Variants in UBA3 observed in about 807,000 individuals in gnomAD.
UBA3 encodes NEDD8-activating enzyme E1 catalytic subunit.
In UBA3, 26 loss-of-function variants were observed where a neutral mutation model predicts 73.5. The observed-to-expected ratio is 0.35, with a 90% confidence interval of 0.26 to 0.49. UBA3 has a LOEUF of 0.49. Among genes scored for constraint, UBA3 ranks in the 20% least tolerant of loss-of-function variants. The pLI is 0.98. For synonymous variants in UBA3, 217 were observed against 191.2 expected (o/e 1.13, Z -1.11); for missense variants, 495 against 555.6 (o/e 0.89, Z 1.10).
intron 3 of UBA3, among the ~76,000 whole-genome samples, chr3:69,076,945 G>A (rs1039216418): frequency 6.6e-6 from 1 of 150,422 alleles, no homozygotes; most frequent in Non-Finnish European, 1.5e-5. Flanking sequence ...GAGATAACAC[G>A]AAAACATATA....
In UBA3 at chr3:69,055,450, T is replaced by C; in HGVS notation, c.1379A>G (p.His460Arg). The C allele has an allele frequency of 1.3e-6, 2 of 1,521,904 alleles. No homozygotes were observed. Among genetic ancestry groups the C allele is most frequent in the Non-Finnish European group, 1.7e-6 (2 of 1,146,024 alleles). 94.3% of individuals were successfully genotyped at this position (1,521,904 alleles called of 1,614,324 possible). Residue 460 changes from histidine to arginine, a missense_variant, in exon 18 of 18, where the codon CAT becomes CGT. Coordinates refer to ENST00000361055, the MANE Select transcript of UBA3 (RefSeq NM_003968.4). ...TTPQTVLFKL[H>R]FTS ...TGGAGATTTTCCTTAAGAAGTAAAA[T>C]GAAGTTTGAATAGTACAGTCTGTGG...
chr3:69,058,062 C>G (rs1048166731), intron 11 of UBA3, among the ~76,000 whole-genome samples: 54 of 151,544 alleles, frequency 3.6e-4, no homozygotes, highest in Non-Finnish European at 6.6e-4. Flanking sequence ...TCCCAAGTAG[C>G]TGGGACTACA....
In UBA3 at chr3:69,077,809, G is replaced by T. The variant is rs1447285264; in HGVS notation, c.172C>A (p.Pro58Thr). The T allele has an allele frequency of 6.2e-7, 1 of 1,613,116 alleles. No individual in the cohort carries two copies. The highest frequency in any genetic ancestry group is 2.2e-5 in the East Asian group (1 of 44,828). Reference protein sequence around the residue: ...SGPFTHPDFEPSTESLQFLLD... With the variant: ...SGPFTHPDFETSTESLQFLLD... The stretch of plus-strand genomic sequence containing the variant: ...TAAACGTTTCTCACTTCAGTGCTCG[G>T]TTCGAAATCAGGGTGTGTGAAGGGT... Residue 58 changes from proline (P) to threonine (T), a missense_variant, in exon 3 of 18, where the codon CCG (proline) becomes ACG (threonine). Coordinates refer to ENST00000361055, the MANE Select transcript of UBA3 (RefSeq NM_003968.4).
Position 69,067,919 on chromosome 3 carries a change from A to G in UBA3, c.428+9T>C, listed in dbSNP as rs376955000. The G allele has an allele frequency of 5.0e-6, 8 of 1,589,542 alleles. No individual in the cohort carries two copies. Among genetic ancestry groups the G allele is most frequent in the South Asian group, 2.3e-5 (2 of 88,014 alleles). On this transcript the variant is annotated intron_variant, in intron 6 of 17. Transcript: ENST00000361055. The stretch of plus-strand genomic sequence containing the variant: ...AAATTAAGTAATTTTCTTTTTGTCA[A>G]AAGGATACGGAACTACATTGCAATT...
chr3:69,059,818 A>C (rs1384329891), intron 11 of UBA3, among the ~76,000 whole-genome samples: 1 of 152,238 alleles, frequency 6.6e-6, no homozygotes, highest in Non-Finnish European at 1.5e-5. Flanking sequence ...ATTCTAAAAA[A>C]GGAAACTATA....
At chr3:69,079,494 G>A (rs559480095) in intron 2 of UBA3, among the ~76,000 whole-genome samples, 47 of 152,306 alleles carry the variant, frequency 3.1e-4, no homozygotes, top group African/African-American at 1.1e-3. Flanking sequence ...CGCTGGCCAG[G>A]TTAGAAAACA....
At chr3:69,057,339 C>A in intron 11 of UBA3, 30 bp from the exon 12 acceptor site, 1 of 1,578,038 alleles carries the variant, frequency 6.3e-7, no homozygotes, top group South Asian at 1.2e-5. Context: ...AAAATATGGT[C>A]ATTTCTTTAA....
Position 69,055,303 on chromosome 3 carries a change from T to TA in UBA3, c.*133dup, listed in dbSNP as rs1286317482. ...TGTCTTCAAGGGAAGGTTACAAAGTTAAAAAAGAGTGGTTCATTATATAAA... is the reference window on the plus strand; with the variant it reads ...TGTCTTCAAGGGAAGGTTACAAAGTTAAAAAAAGAGTGGTTCATTATATAAA... On this transcript the variant is annotated 3_prime_UTR_variant, in exon 18 of 18. Transcript: ENST00000361055. 6 of 530,282 alleles carry TA rather than the reference T, an allele frequency of 1.1e-5. No homozygotes were observed. The highest frequency in any genetic ancestry group is 1.6e-5 in the Non-Finnish European group (5 of 317,956). The allele number at this position is 530,282 out of a possible 1,614,324, so 32.8% of individuals were successfully genotyped here.
Position 69,055,307 on chromosome 3 carries a change from A to G in UBA3, c.*130T>C, listed in dbSNP as rs1349785201. ...TTCAAGGGAAGGTTACAAAGTTAAA[A>G]AAGAGTGGTTCATTATATAAAAAAA... On this transcript the variant is annotated 3_prime_UTR_variant, in exon 18 of 18. Coordinates refer to ENST00000361055, the MANE Select transcript of UBA3 (RefSeq NM_003968.4). The G allele has an allele frequency of 1.8e-6, 1 of 543,386 alleles. No individual in the cohort carries two copies. The highest frequency in any genetic ancestry group is 3.0e-6 in the Non-Finnish European group (1 of 328,506). 33.7% of individuals were successfully genotyped at this position (543,386 alleles called of 1,614,324 possible). A position where few individuals can be genotyped will look rare whatever the true frequency, so the allele number is the denominator to read the frequency against.
At chr3:69,064,854 A>G (rs2118539) in intron 6 of UBA3, among the ~76,000 whole-genome samples, 82,398 of 151,946 alleles carry the variant, frequency 0.54, 22,733 homozygotes, top group East Asian at 0.82. Context: ...AAATTATGCA[A>G]CTTCTCTAAA....
chr3:69,058,460 T>A (rs2091995710), intron 11 of UBA3, among the ~76,000 whole-genome samples: 1 of 152,090 alleles, frequency 6.6e-6, no homozygotes, highest in African/African-American at 2.4e-5. Context: ...TAAGAAGACA[T>A]GAAAGAAAGA....
At position 69,073,119 on chromosome 3, in the gene UBA3, G is replaced by A. The variant is rs941181684; in HGVS notation, c.265-1502C>T. 2.0e-5 allele frequency among the ~76,000 whole-genome samples: 3 copies of A among 152,214 alleles called. 1 individual carries two copies. Among genetic ancestry groups the A allele is most frequent in the African/African-American group, 7.2e-5 (3 of 41,518 alleles). On this transcript the variant is annotated intron_variant, in intron 4 of 17. Coordinates refer to ENST00000361055, the MANE Select transcript of UBA3 (RefSeq NM_003968.4). Reference sequence around the variant, plus strand: ...ATGCATCAGCCTCAGTAACCTAGGTGAAAAGCCAATCAAGTCTCTCATTGC... The same window carrying A: ...ATGCATCAGCCTCAGTAACCTAGGTAAAAAGCCAATCAAGTCTCTCATTGC...
chr3:69,059,548 C>T (rs1336378031), intron 11 of UBA3, among the ~76,000 whole-genome samples: 1 of 152,022 alleles, frequency 6.6e-6, no homozygotes, highest in Non-Finnish European at 1.5e-5. Flanking sequence ...CTGAGGGGAT[C>T]CAAGGAAACA....
intron 4 of UBA3, among the ~76,000 whole-genome samples, chr3:69,073,860 G>C (rs993128785): frequency 1.4e-5 from 2 of 144,712 alleles, no homozygotes; most frequent in Admixed American, 6.8e-5. Flanking sequence ...AGTCAGGATA[G>C]TCTCGATCTC....
chr3:69,077,744 A>C (rs751767668), intron 3 of UBA3, 54 bp downstream of exon 3: 117 of 1,494,196 alleles, frequency 7.8e-5, no homozygotes, highest in Non-Finnish European at 9.9e-5. Flanking sequence ...GCATTCTATT[A>C]GTTTTGAAAC....
intron 15 of UBA3, 33 bp downstream of exon 15, chr3:69,056,150 T>G (rs1402656365): frequency 1.3e-6 from 2 of 1,563,706 alleles, no homozygotes; most frequent in Non-Finnish European, 1.7e-6. Context: ...CAAAAATGAT[T>G]TTTACAACAT....
intron 11 of UBA3, among the ~76,000 whole-genome samples, chr3:69,060,858 C>T (rs1019728235): frequency 2.0e-5 from 3 of 152,274 alleles, no homozygotes; most frequent in South Asian, 2.1e-4. Context: ...TGCTCCCTCT[C>T]GTCATATGAC....
chr3:69,058,176 C>T (rs1023609628), intron 11 of UBA3, among the ~76,000 whole-genome samples: 2 of 152,216 alleles, frequency 1.3e-5, no homozygotes, highest in Middle Eastern at 3.4e-3. Context: ...GTGATCCGCC[C>T]GCCCTGGCCT....
intron 6 of UBA3, 57 bp from the exon 7 acceptor site, chr3:69,064,168 A>G: frequency 7.2e-7 from 1 of 1,398,246 alleles, no homozygotes. Context: ...AATGAATTTG[A>G]CAATGCCATA....
Sources: allele counts gnomAD v4.1 joint callset (sites outside exome capture counted in the v4.1 genomes callset), GRCh38; gene constraint gnomAD v4.1.1; transcripts MANE v1.5; gene names NCBI Gene and HGNC (gene_info 2026-07-23, HGNC 2026-07-21).